LIN28B: variants seen among roughly 807,000 people sequenced by gnomAD.
LIN28B encodes protein lin-28 homolog B.
In LIN28B, 5 loss-of-function variants were observed where a neutral mutation model predicts 21.9. The ratio of observed to expected loss-of-function variants is 0.23; its 90% confidence interval spans 0.12 to 0.48. The LOEUF is 0.48. Among genes scored for constraint, LIN28B ranks in the 20% least tolerant of loss-of-function variants. The pLI, the probability that LIN28B is intolerant of heterozygous loss-of-function variation, is 0.98. For missense variants in LIN28B, 245 were observed against 310.5 expected (o/e 0.79, Z 1.58); for synonymous variants, 109 against 111.3 (o/e 0.98, Z 0.13).
rs1187096823 is a variant in LIN28B at position 105,030,576 on chromosome 6, ATTTC to A, written c.383+4110_383+4113del. ...TTTCAAAGAACAGGCTCTTGAATTA[ATTTC>A]TTTCTTTCTTTCTTTTTTTTTTTTT... On this transcript the variant is annotated intron_variant, in intron 3 of 3. Transcript: ENST00000345080. Among the ~76,000 whole-genome samples, 793 of 145,096 alleles carry A rather than the reference ATTTC, an allele frequency of 5.5e-3. 3 individuals carry two copies. Among genetic ancestry groups the A allele is most frequent in the Non-Finnish European group, 9.2e-3 (607 of 65,918 alleles).
At chr6:105,013,704 T>G (rs1401057070) in intron 2 of LIN28B, among the ~76,000 whole-genome samples, 1 of 145,238 alleles carries the variant, frequency 6.9e-6, no homozygotes, top group Non-Finnish European at 1.5e-5. Flanking sequence ...GCCTGGGCCA[T>G]AGCAGTGAGA....
At chr6:104,997,549 C>A (rs1238303761) in intron 2 of LIN28B, among the ~76,000 whole-genome samples, 1 of 151,700 alleles carries the variant, frequency 6.6e-6, no homozygotes, top group South Asian at 2.1e-4. Context: ...ACCCGCCCCC[C>A]CCCGCCACAC....
At chr6:104,986,532 C>CAAAAAAA (rs71003463) in intron 2 of LIN28B, among the ~76,000 whole-genome samples, 1 of 139,876 alleles carries the variant, frequency 7.1e-6, no homozygotes, top group Non-Finnish European at 1.5e-5. Context: ...TCATTTCTAC[C>CAAAAAAA]AAAAAAAAAA....
At chr6:104,940,993 G>A (rs1425373006) in intron 2 of LIN28B, 1 of 152,034 alleles carries the variant, frequency 6.6e-6, no homozygotes, top group African/African-American at 2.4e-5. Flanking sequence ...GGCTAGCGAC[G>A]CGACCATGAG....
intron 3 of LIN28B, among the ~76,000 whole-genome samples, chr6:105,066,124 G>A (rs1582929521): frequency 1.3e-5 from 2 of 152,304 alleles, no homozygotes; most frequent in African/African-American, 4.8e-5. Flanking sequence ...AGTGAGCTGT[G>A]ATGGTGCCAT....
intron 2 of LIN28B, among the ~76,000 whole-genome samples, chr6:104,968,933 A>G (rs1161616875): frequency 1.3e-5 from 2 of 152,170 alleles, no homozygotes; most frequent in Admixed American, 1.3e-4. Context: ...AATTATATCA[A>G]CTTTTCTTCC....
upstream of LIN28B, chr6:104,956,904 T>G (rs1778298121): frequency 8.6e-6 from 3 of 348,828 alleles, no homozygotes; most frequent in South Asian, 1.3e-4. Context: ...CGTTCCAAAT[T>G]GTCTTTAAGA....
chr6:105,063,565 G>T (rs957866794), intron 3 of LIN28B, among the ~76,000 whole-genome samples: 1 of 150,904 alleles, frequency 6.6e-6, no homozygotes, highest in Middle Eastern at 3.4e-3. Context: ...GAACCTGGGA[G>T]GCTGAAGTTG....
chr6:105,044,148 A>G (rs558575808), intron 3 of LIN28B, among the ~76,000 whole-genome samples: 2 of 152,248 alleles, frequency 1.3e-5, no homozygotes, highest in East Asian at 3.9e-4. Flanking sequence ...TTATATAAAG[A>G]TTAAGAAGCT....
intron 2 of LIN28B, among the ~76,000 whole-genome samples, chr6:104,943,040 T>A (rs1259007456): frequency 6.6e-6 from 1 of 152,052 alleles, no homozygotes; most frequent in Non-Finnish European, 1.5e-5. Flanking sequence ...TTAGTCAAGA[T>A]TTAAATTTAA....
intron 2 of LIN28B, among the ~76,000 whole-genome samples, chr6:105,017,250 G>A (rs1239450394): frequency 6.6e-6 from 1 of 152,052 alleles, no homozygotes; most frequent in African/African-American, 2.4e-5. Flanking sequence ...ACTCAGTAAT[G>A]TATAGATATT....
chr6:105,024,660 C>G (rs1771250349), intron 2 of LIN28B, among the ~76,000 whole-genome samples: 1 of 152,170 alleles, frequency 6.6e-6, no homozygotes. Flanking sequence ...AAAGATTTCA[C>G]TATGCCAGGT....
intron 2 of LIN28B, among the ~76,000 whole-genome samples, chr6:105,004,370 C>A (rs1770775871): frequency 6.6e-6 from 1 of 152,164 alleles, no homozygotes; most frequent in Admixed American, 6.6e-5. Flanking sequence ...ATTTTATGCG[C>A]CTTTCCTCTC....
intron 3 of LIN28B, among the ~76,000 whole-genome samples, chr6:105,027,061 T>G (rs1223104530): frequency 6.6e-6 from 1 of 152,182 alleles, no homozygotes; most frequent in African/African-American, 2.4e-5. Context: ...ATTTAAAGAA[T>G]AATATGTTAG....
chr6:104,990,569 A>ATTTTTTTTTTT (rs71003465), intron 2 of LIN28B, among the ~76,000 whole-genome samples: 1 of 142,716 alleles, frequency 7.0e-6, no homozygotes, highest in Non-Finnish European at 1.5e-5. Flanking sequence ...TTTATTTTTT[A>ATTTTTTTTTTT]TTTTTTTTTT....
At position 105,013,390 on chromosome 6, in the gene LIN28B, C is replaced by CT. The variant is rs1033489629; in HGVS notation, c.199-12899dup. Among the ~76,000 whole-genome samples the CT allele has an allele frequency of 1.5e-4, 22 of 150,996 alleles. No homozygotes were observed. The South Asian group carries it at 1.9e-3, about 13-fold the overall frequency. ...ATGTGCTTATTTTCTATTTATGTAT[C>CT]TTTTTTTTTAAGTAGGCATATCAGT... On this transcript the variant is annotated intron_variant, in intron 2 of 3. Transcript: ENST00000345080.
At chr6:105,026,153 G>A (rs978172110) in intron 2 of LIN28B, 145 bp from the exon 3 acceptor site, 3 of 451,812 alleles carry the variant, frequency 6.6e-6, no homozygotes, top group Non-Finnish European at 7.7e-6. Flanking sequence ...CTTTAAAATG[G>A]TATATGTTTC....
intron 3 of LIN28B, among the ~76,000 whole-genome samples, chr6:105,052,862 T>G (rs1771935252): frequency 6.6e-6 from 1 of 152,096 alleles, no homozygotes; most frequent in Non-Finnish European, 1.5e-5. Flanking sequence ...AATTTTTTTA[T>G]ATTGTTTTCT....
intron 3 of LIN28B, among the ~76,000 whole-genome samples, chr6:105,047,150 G>A (rs1222653609): frequency 6.6e-6 from 1 of 152,068 alleles, no homozygotes; most frequent in Non-Finnish European, 1.5e-5. Flanking sequence ...TATGGTTTTA[G>A]GTCTAACATT....
Sources: allele counts gnomAD v4.1 joint callset (sites outside exome capture counted in the v4.1 genomes callset), GRCh38; gene constraint gnomAD v4.1.1; transcripts MANE v1.5; gene names NCBI Gene and HGNC (gene_info 2026-07-23, HGNC 2026-07-21).